UBE4B: variants seen among roughly 807,000 people sequenced by gnomAD.
The protein encoded by UBE4B is ubiquitin conjugation factor E4 B.
A neutral mutation model predicts 148.1 loss-of-function variants in UBE4B; 27 were observed. That is an observed-to-expected ratio of 0.18 (90% confidence interval 0.13 to 0.25). UBE4B has a LOEUF of 0.25. Ranked by LOEUF, UBE4B falls within the 10% of genes least tolerant of loss-of-function variation. The pLI, the probability that UBE4B is intolerant of heterozygous loss-of-function variation, is 1.00. For missense variants in UBE4B, 1,170 were observed against 1,662.4 expected (o/e 0.70, Z 5.15); for synonymous variants, 596 against 619.3 (o/e 0.96, Z 0.56).
chr1:10,099,574 T>A (rs897457266), intron 3 of UBE4B, among the ~76,000 whole-genome samples: 6 of 152,082 alleles, frequency 3.9e-5, no homozygotes, highest in African/African-American at 1.4e-4. Flanking sequence ...GTGAAAAAAA[T>A]TTTGGTCAAA....
At position 10,060,508 on chromosome 1, in the gene UBE4B, A is replaced by G. The variant is rs113701369; in HGVS notation, c.25-11520A>G. Among the ~76,000 whole-genome samples the G allele has an allele frequency of 4.7e-3, 713 of 152,278 alleles. 7 individuals are homozygous for G. Among genetic ancestry groups the G allele is most frequent in the African/African-American group, 0.016 (671 of 41,566 alleles). On this transcript the variant is annotated intron_variant, in intron 1 of 27. Coordinates refer to ENST00000343090, the MANE Select transcript of UBE4B (RefSeq NM_001105562.3). ...ATGTCGTTATGCAGCCCATGACTGT[A>G]TTTCCTCTCTGACTTCCCCAGGAGA...
At chr1:10,083,713 G>C (rs941137316) in intron 2 of UBE4B, among the ~76,000 whole-genome samples, 2 of 152,126 alleles carry the variant, frequency 1.3e-5, no homozygotes, top group Non-Finnish European at 2.9e-5. Context: ...AGTTCAGGAG[G>C]CTCCTAGAAG....
intron 1 of UBE4B, among the ~76,000 whole-genome samples, chr1:10,049,114 A>C (rs1643975986): frequency 6.6e-6 from 1 of 152,204 alleles, no homozygotes; most frequent in Admixed American, 6.5e-5. Flanking sequence ...TTAGAGCTTA[A>C]AAAAATAGTT....
intron 9 of UBE4B, 150 bp downstream of exon 9, chr1:10,119,763 T>G: frequency 1.7e-6 from 1 of 588,782 alleles, no homozygotes; most frequent in South Asian, 2.0e-5. Context: ...TAAAATACTA[T>G]GAAAATAAAC....
chr1:10,067,771 A>C (rs1644414155), intron 1 of UBE4B, among the ~76,000 whole-genome samples: 1 of 152,076 alleles, frequency 6.6e-6, no homozygotes, highest in Non-Finnish European at 1.5e-5. Flanking sequence ...TCTATGGCCC[A>C]GGCTGGAGTG....
intron 2 of UBE4B, among the ~76,000 whole-genome samples, chr1:10,091,708 C>T (rs942064152): frequency 6.6e-5 from 10 of 152,094 alleles, no homozygotes; most frequent in Admixed American, 3.3e-4. Flanking sequence ...TGGGTTCAAA[C>T]GATTCTTCTG....
intron 10 of UBE4B, among the ~76,000 whole-genome samples, chr1:10,123,453 A>G (rs1645443465): frequency 6.7e-6 from 1 of 149,840 alleles, no homozygotes; most frequent in African/African-American, 2.5e-5. Context: ...AAAAAAAAAA[A>G]TTACTGTCTT....
intron 2 of UBE4B, among the ~76,000 whole-genome samples, chr1:10,084,941 C>T (rs925211430): frequency 2.6e-5 from 4 of 151,874 alleles, no homozygotes; most frequent in Non-Finnish European, 4.4e-5. Flanking sequence ...TGGGGCCTAG[C>T]GATCCCCCTG....
intron 25 of UBE4B, among the ~76,000 whole-genome samples, chr1:10,173,717 C>T (rs1455335752): frequency 1.3e-5 from 2 of 152,078 alleles, no homozygotes; most frequent in Admixed American, 6.6e-5. Flanking sequence ...CCATCGTTGC[C>T]GTAGAGAGAC....
chr1:10,097,180 C>G (rs1557548978), intron 3 of UBE4B, among the ~76,000 whole-genome samples: 3 of 151,658 alleles, frequency 2.0e-5, no homozygotes, highest in South Asian at 4.2e-4. Flanking sequence ...ACTGAAAGAG[C>G]TGAGGAAATT....
intron 17 of UBE4B, among the ~76,000 whole-genome samples, chr1:10,137,769 G>T (rs1192526673): frequency 6.6e-6 from 1 of 152,030 alleles, no homozygotes; most frequent in South Asian, 2.1e-4. Context: ...GAAGTCACAG[G>T]AACACAGAAG....
At position 10,106,128 on chromosome 1, in the gene UBE4B, G is replaced by T; in HGVS notation, c.810-69G>T. The T allele has an allele frequency of 6.8e-7, 1 of 1,480,124 alleles. No homozygotes were observed. The allele number at this position is 1,480,124 out of a possible 1,614,324, so 91.7% of individuals were successfully genotyped here. On this transcript the variant is annotated intron_variant, in intron 6 of 27. Transcript: ENST00000343090. This position sits in a 1 kb window ranked among gnomAD's most constrained non-coding sequence, Gnocchi z 4.2. ...CTCCTTTAAAAGCTTGATATTTTCT[G>T]TTTTAGTTAGTTATCTCAAGTTTTT...
Position 10,119,114 on chromosome 1 carries a change from C to T in UBE4B, c.1339-399C>T, listed in dbSNP as rs1645367835. Among the ~76,000 whole-genome samples, 6 of 151,968 alleles carry T rather than the reference C, an allele frequency of 3.9e-5. 1 individual carries two copies. Among genetic ancestry groups the T allele is most frequent in the Admixed American group, 3.9e-4 (6 of 15,230 alleles). On this transcript the variant is annotated intron_variant, in intron 8 of 27. Coordinates refer to ENST00000343090, the MANE Select transcript of UBE4B (RefSeq NM_001105562.3). ...GCCAGGATGGCGTCGATCTCCTGAC[C>T]TTGTGATCCGCCCTTCTTGGCCTCC... is the stretch of plus-strand genomic sequence containing the variant.
At position 10,145,017 on chromosome 1, in the gene UBE4B, A is replaced by G; in HGVS notation, c.2441A>G (p.Lys814Arg). 6.2e-7 allele frequency: 1 copy of G among 1,613,818 alleles called. No individual in the cohort carries two copies. The highest frequency in any genetic ancestry group is 8.5e-7 in the Non-Finnish European group (1 of 1,179,808). ...PLATRHREML[K>R]RCKTQLKKLV... ...GCAACTAGACACCGCGAAATGCTGA[A>G]GCGCTGTAAAACTCAGCTTAAGGTT... The change falls in exon 18 of 28, where the codon AAG becomes AGG. Residue 814 changes from lysine to arginine, a missense_variant. Physicochemically the swap from Lys to Arg is conservative, Grantham distance 26. This residue lies in a region of UBE4B where 388 missense variants were observed against 536.0 expected (regional missense o/e 0.72). Transcript: ENST00000343090.
intron 1 of UBE4B, among the ~76,000 whole-genome samples, chr1:10,063,048 A>G (rs1644317955): frequency 6.6e-6 from 1 of 151,998 alleles, no homozygotes; most frequent in African/African-American, 2.4e-5. Context: ...CAGGGGGATC[A>G]CCTGAGGTCA....
chr1:10,121,677 AG>A (rs1645413877), intron 9 of UBE4B, among the ~76,000 whole-genome samples: 1 of 152,136 alleles, frequency 6.6e-6, no homozygotes. Flanking sequence ...TGCAGGCGTG[AG>A]CCACCGTGCC....
intron 21 of UBE4B, among the ~76,000 whole-genome samples, chr1:10,153,321 C>CA (rs1456886544): frequency 6.6e-6 from 1 of 151,356 alleles, no homozygotes; most frequent in African/African-American, 2.4e-5. Context: ...GCCTGGGCAA[C>CA]ATGGCGAGAC....
At chr1:10,033,822 G>C in intron 1 of UBE4B, 128 bp downstream of exon 1, 1 of 1,021,240 alleles carries the variant, frequency 9.8e-7, no homozygotes, top group South Asian at 2.5e-5. Flanking sequence ...TATTTTCCAA[G>C]AATAACGTGA....
At chr1:10,150,103 G>T (rs1236661862) in intron 20 of UBE4B, among the ~76,000 whole-genome samples, 1 of 152,100 alleles carries the variant, frequency 6.6e-6, no homozygotes, top group Non-Finnish European at 1.5e-5. Flanking sequence ...AAAAGTAAAT[G>T]GAGCAAGTTA....
Sources: allele counts gnomAD v4.1 joint callset (sites outside exome capture counted in the v4.1 genomes callset), GRCh38; gene constraint gnomAD v4.1.1; regional missense constraint gnomAD v4.1.1; non-coding constraint Gnocchi (gnomAD v3.1); transcripts MANE v1.5; gene names NCBI Gene and HGNC (gene_info 2026-07-23, HGNC 2026-07-21).